Variants in DNAH14 observed in about 807,000 individuals in gnomAD.
DNAH14 encodes axonemal beta dynein heavy chain 14.
A neutral mutation model predicts 520.9 loss-of-function variants in DNAH14; 478 were observed. That is an observed-to-expected ratio of 0.92 (90% CI 0.85 to 0.99). The LOEUF (loss-of-function observed/expected upper bound fraction) is 0.99. DNAH14 is among the 50% of genes least tolerant of loss of function. DNAH14 has a pLI of 0.00. For missense variants in DNAH14, 4,831 were observed against 5,234.5 expected, an observed-to-expected ratio of 0.92 and a Z score of 2.38; for synonymous variants, 1,581 against 1,757.2, an observed-to-expected ratio of 0.90 and a Z score of 2.51.
chr1:225,042,980 A>G lies in DNAH14; in HGVS notation c.1634A>G (p.Glu545Gly). ...TTTCATGAGTCTGACCAGTGCCCTG[A>G]AGAGTGTGTGATGTTTGAAGATGAA... Reference protein sequence around the residue: ...ENFHESDQCPEECVMFEDEMS... With the variant: ...ENFHESDQCPGECVMFEDEMS... The change falls in exon 13 of 86, where the codon GAA becomes GGA. Residue 545 changes from glutamate (E) to glycine (G), a missense_variant. Physicochemically the swap from Glu to Gly is moderately conservative, Grantham distance 98. Transcript: ENST00000682510. 1 of 1,552,024 alleles carries G rather than the reference A, an allele frequency of 6.4e-7. No individual in the cohort carries two copies. Among genetic ancestry groups the G allele is most frequent in the Non-Finnish European group, 8.7e-7 (1 of 1,147,062 alleles).
At chr1:225,023,588 G>A in intron 10 of DNAH14, 27 bp from the exon 11 acceptor site, 1 of 1,477,126 alleles carries the variant, frequency 6.8e-7, no homozygotes, top group African/African-American at 1.4e-5. Flanking sequence ...ATCAATACTT[G>A]TTTCTCAATT....
At chr1:225,198,954 C>T (rs993664574) in intron 38 of DNAH14, among the ~76,000 whole-genome samples, 9 of 152,094 alleles carry the variant, frequency 5.9e-5, no homozygotes, top group Non-Finnish European at 1.2e-4. Flanking sequence ...AGAATTCTGC[C>T]ACGAATCTGT....
At chr1:225,042,723 C>G in intron 12 of DNAH14, 112 bp from the exon 13 acceptor site, 1 of 1,152,990 alleles carries the variant, frequency 8.7e-7, no homozygotes, top group Non-Finnish European at 1.2e-6. Context: ...CAGTGTTACT[C>G]GGTTATACTG....
intron 64 of DNAH14, among the ~76,000 whole-genome samples, chr1:225,328,985 G>A (rs1338517001): frequency 6.6e-6 from 1 of 151,994 alleles, no homozygotes; most frequent in African/African-American, 2.4e-5. Context: ...TTTTCACCAG[G>A]ATAGCATCTT....
At chr1:225,058,493 A>G (rs1397507035) in intron 17 of DNAH14, among the ~76,000 whole-genome samples, 1 of 152,106 alleles carries the variant, frequency 6.6e-6, no homozygotes, top group Non-Finnish European at 1.5e-5. Flanking sequence ...TCCTGGATTC[A>G]TTGATTTTTT....
chr1:225,334,911 T>C (rs1030060991), intron 66 of DNAH14, among the ~76,000 whole-genome samples: 4 of 150,046 alleles, frequency 2.7e-5, no homozygotes, highest in Non-Finnish European at 4.4e-5. Flanking sequence ...TGTGTGTGTA[T>C]ATGTATATGT....
Position 225,168,469 on chromosome 1 carries a change from G to A in DNAH14, c.5535+441G>A, listed in dbSNP as rs1374813253. The stretch of plus-strand genomic sequence containing the variant: ...TCCCACCCTAATACTGCACTTTTCC[G>A]AAGGTCTTAGCAAACAGCACACCAG... On this transcript the variant is annotated intron_variant, in intron 36 of 85. Coordinates refer to ENST00000682510, the MANE Select transcript of DNAH14 (RefSeq NM_001367479.1). Among the ~76,000 whole-genome samples the A allele has an allele frequency of 5.9e-5, 9 of 152,196 alleles. No individual in the cohort carries two copies. In the South Asian group the frequency reaches 6.2e-4, roughly 10 times the overall value.
In DNAH14 at chr1:225,023,838, T is replaced by TG. The variant is rs2065897672; in HGVS notation, c.1333dup (p.Glu445GlyfsTer5). 1.3e-6 allele frequency: 2 copies of TG among 1,529,436 alleles called. No homozygotes were observed. Among genetic ancestry groups the TG allele is most frequent in the Non-Finnish European group, 1.8e-6 (2 of 1,136,582 alleles). 94.7% of individuals were successfully genotyped at this position (1,529,436 alleles called of 1,614,324 possible). A position where few individuals can be genotyped will look rare whatever the true frequency, so the allele number is the denominator to read the frequency against. On this transcript the variant is annotated frameshift_variant, in exon 11 of 86. Transcript: ENST00000682510. LOFTEE classifies it high-confidence loss of function. ...GGTTCTGCTGGAATGCCATTTTCAGTGGAAAAAAAGAATGAAAATCTTATC... is the reference window on the plus strand; with the variant it reads ...GGTTCTGCTGGAATGCCATTTTCAGTGGGAAAAAAAGAATGAAAATCTTATC...
Position 225,394,111 on chromosome 1 carries a change from G to A in DNAH14, c.13491+1660G>A, listed in dbSNP as rs537766203. On this transcript the variant is annotated intron_variant, in intron 84 of 85. Transcript: ENST00000682510. ...TGGGATTACAGGCATGAGCCACCGCGCCCGGCCACAGCGATGTTATCTTTA... is the reference window on the plus strand; with the variant it reads ...TGGGATTACAGGCATGAGCCACCGCACCCGGCCACAGCGATGTTATCTTTA... 7.2e-5 allele frequency among the ~76,000 whole-genome samples: 11 copies of A among 152,260 alleles called. No individual in the cohort carries two copies. The East Asian group carries it at 1.9e-3, about 27-fold the overall frequency.
chr1:225,168,724 G>A (rs1301818314), intron 36 of DNAH14, among the ~76,000 whole-genome samples: 2 of 152,200 alleles, frequency 1.3e-5, no homozygotes, highest in East Asian at 3.9e-4. Context: ...ACCTCTGGGG[G>A]CAGGGCACAG....
intron 54 of DNAH14, 146 bp downstream of exon 54, chr1:225,277,648 TC>T (rs1211528850): frequency 2.8e-6 from 1 of 359,596 alleles, no homozygotes; most frequent in Non-Finnish European, 5.7e-6. Flanking sequence ...TCTTGTCCTC[TC>T]TGCAGTTTGC....
At chr1:224,945,988 C>T (rs965494764) in intron 1 of DNAH14, among the ~76,000 whole-genome samples, 1 of 152,270 alleles carries the variant, frequency 6.6e-6, no homozygotes, top group Non-Finnish European at 1.5e-5. Flanking sequence ...CAGCTGCATG[C>T]TGGGAGAACC....
chr1:224,963,128 ATGTT>A (rs1246339324), intron 4 of DNAH14, among the ~76,000 whole-genome samples: 1 of 152,084 alleles, frequency 6.6e-6, no homozygotes, highest in Admixed American at 6.6e-5. Context: ...TTCTATCAAA[ATGTT>A]TATTTTTTAA....
chr1:225,302,414 A>C (rs1026088491), intron 56 of DNAH14, among the ~76,000 whole-genome samples: 2 of 152,142 alleles, frequency 1.3e-5, no homozygotes, highest in South Asian at 2.1e-4. Context: ...CAGCTTTACT[A>C]TATTTATTTG....
At chr1:225,244,524 T>A (rs892437876) in intron 43 of DNAH14, among the ~76,000 whole-genome samples, 1 of 152,202 alleles carries the variant, frequency 6.6e-6, no homozygotes, top group African/African-American at 2.4e-5. Context: ...TTGCCTCAAT[T>A]TCAGAACTTG....
chr1:225,080,227 C>T (rs1176632140), intron 18 of DNAH14, among the ~76,000 whole-genome samples, 152 bp from the exon 19 acceptor site: 2 of 152,164 alleles, frequency 1.3e-5, no homozygotes, highest in Non-Finnish European at 2.9e-5. Flanking sequence ...CAATCTTTAT[C>T]TTTGTCTGGG....
intron 8 of DNAH14, among the ~76,000 whole-genome samples, chr1:224,982,752 A>T (rs3102106): frequency 0.26 from 39,789 of 152,118 alleles, 8,086 homozygotes; most frequent in African/African-American, 0.56. Context: ...TTTGCATGAT[A>T]TTCCATGTAT....
At chr1:225,367,537 C>G (rs1207310970) in intron 76 of DNAH14, among the ~76,000 whole-genome samples, 1 of 152,218 alleles carries the variant, frequency 6.6e-6, no homozygotes, top group East Asian at 1.9e-4. Context: ...AAGCCCTATG[C>G]TCTGAGCAAA....
At chr1:225,070,571 CAGTT>C (rs1377827028) in intron 17 of DNAH14, among the ~76,000 whole-genome samples, 3 of 152,102 alleles carry the variant, frequency 2.0e-5, no homozygotes, top group Non-Finnish European at 4.4e-5. Flanking sequence ...TTGTGAAAGA[CAGTT>C]TGTTATGATT....
Sources: gnomAD v4.1 joint callset for allele counts (sites outside exome capture counted in the v4.1 genomes callset) on GRCh38, gnomAD v4.1.1 for gene constraint, MANE v1.5 for transcripts, NCBI Gene and HGNC (gene_info 2026-07-23, HGNC 2026-07-21) for gene names.